LPCAT1: variants seen among roughly 807,000 people sequenced by gnomAD.
LPCAT1 encodes the protein lysophosphatidylcholine acyltransferase 1, also known as 1-acylglycerol-3-phosphate O-acyltransferase.
Under a neutral mutation model 60.9 loss-of-function variants are expected in LPCAT1, and 23 were observed. The ratio of observed to expected loss-of-function variants is 0.38; its 90% CI spans 0.27 to 0.53. LPCAT1 has a LOEUF of 0.53. Among genes scored for constraint, LPCAT1 ranks in the 20% least tolerant of loss-of-function variants. The probability of loss-of-function intolerance (pLI) is 0.82; values close to 1 mark genes in which losing one functional copy is unlikely to be tolerated. For missense variants in LPCAT1, 622 were observed against 723.6 expected, an observed-to-expected ratio of 0.86 and a Z score of 1.61; for synonymous variants, 340 against 301.1, an observed-to-expected ratio of 1.13 and a Z score of -1.34.
rs987572623 is a variant in LPCAT1, at chr5:1,520,255, C to T, written c.135+3455G>A. On this transcript the variant is annotated intron_variant, in intron 1 of 13. Coordinates refer to ENST00000283415, the MANE Select transcript of LPCAT1 (RefSeq NM_024830.5). ...GAGGCTGAGAGGGCGGAGTCCTGCT[C>T]CTGAGTTTTTTTAAAAAATCACAAC... Among the ~76,000 whole-genome samples, 7 of 152,220 alleles carry T rather than the reference C, an allele frequency of 4.6e-5. 1 individual carries two copies. Among genetic ancestry groups the T allele is most frequent in the Admixed American group, 1.3e-4 (2 of 15,290 alleles).
chr5:1,497,561 G>A (rs1313942830), intron 2 of LPCAT1, among the ~76,000 whole-genome samples: 1 of 152,252 alleles, frequency 6.6e-6, no homozygotes, highest in African/African-American at 2.4e-5. Context: ...CTTCAAGGAG[G>A]CAAGTCTGGT....
intron 8 of LPCAT1, among the ~76,000 whole-genome samples, chr5:1,479,251 C>T (rs1056292041): frequency 1.2e-4 from 18 of 152,172 alleles, no homozygotes; most frequent in African/African-American, 4.1e-4. Context: ...CTAGGCATGG[C>T]GTGTGCCTGT....
chr5:1,470,677 ACAGCTAG>A (rs1734630941), intron 12 of LPCAT1, 142 bp downstream of exon 12: 4 of 590,300 alleles, frequency 6.8e-6, no homozygotes, highest in Non-Finnish European at 1.2e-5. Context: ...TTTACAAACA[ACAGCTAG>A]CATAAAAAGC....
intron 9 of LPCAT1, among the ~76,000 whole-genome samples, chr5:1,475,757 CCCA>C (rs1734883013): frequency 6.6e-6 from 1 of 151,814 alleles, no homozygotes; most frequent in Non-Finnish European, 1.5e-5. Flanking sequence ...CACGGCCCCG[CCCA>C]GGCCCAGGAG....
intron 1 of LPCAT1, among the ~76,000 whole-genome samples, chr5:1,503,172 C>T (rs36981): frequency 6.6e-6 from 1 of 151,944 alleles, no homozygotes; most frequent in Non-Finnish European, 1.5e-5. Context: ...AATTTGCCTC[C>T]CCTTCCCCGC....
intron 2 of LPCAT1, among the ~76,000 whole-genome samples, chr5:1,500,252 G>A (rs192049263): frequency 1.5e-3 from 227 of 152,316 alleles, no homozygotes; most frequent in African/African-American, 5.0e-3. Flanking sequence ...TATAGGACAC[G>A]CGTGGTAACT....
intron 3 of LPCAT1, among the ~76,000 whole-genome samples, chr5:1,493,641 G>A (rs1426538736): frequency 1.3e-5 from 2 of 152,318 alleles, no homozygotes; most frequent in South Asian, 2.1e-4. Flanking sequence ...AAGGAAGCAC[G>A]AGGACAGAAC....
intron 9 of LPCAT1, among the ~76,000 whole-genome samples, chr5:1,475,461 C>G (rs755073037): frequency 6.6e-6 from 1 of 152,224 alleles, no homozygotes; most frequent in South Asian, 2.1e-4. Flanking sequence ...CCTGATGGCC[C>G]GTCCTGGGTG....
In LPCAT1 at chr5:1,461,638, G is replaced by C. The variant is rs985301477; in HGVS notation, c.*2013C>G. The C allele has an allele frequency of 6.5e-6, 1 of 152,852 alleles. No homozygotes were observed. Among genetic ancestry groups the C allele is most frequent in the Non-Finnish European group, 1.5e-5 (1 of 68,046 alleles). The allele number at this position is 152,852 out of a possible 1,614,324, so 9.5% of individuals were successfully genotyped here. Reference sequence around the variant, plus strand: ...TAACTCAACGCTATGTACATTCACAGTTCCGAATATCCGCCAACTCTAAGT... The same window carrying C: ...TAACTCAACGCTATGTACATTCACACTTCCGAATATCCGCCAACTCTAAGT... On this transcript the variant is annotated 3_prime_UTR_variant, in exon 14 of 14. Transcript: ENST00000283415.
Position 1,494,418 on chromosome 5 carries a change from G to GC in LPCAT1, c.493+281_493+282insG, listed in dbSNP as rs1735702199. On this transcript the variant is annotated intron_variant, in intron 3 of 13. Transcript: ENST00000283415. ...CGATCACTCCCAGCAGCGTGGTGGGGGGGGGGTCCCTCACTCCCGGTAGGG... is the reference window on the plus strand; with the variant it reads ...CGATCACTCCCAGCAGCGTGGTGGGGCGGGGGGTCCCTCACTCCCGGTAGGG... Among the ~76,000 whole-genome samples the GC allele has an allele frequency of 2.0e-5, 3 of 151,424 alleles. No homozygotes were observed. In the South Asian group the frequency reaches 6.3e-4, roughly 32 times the overall value.
At chr5:1,479,738 C>G in intron 7 of LPCAT1, 63 bp from the exon 8 acceptor site, 1 of 1,300,352 alleles carries the variant, frequency 7.7e-7, no homozygotes, top group Non-Finnish European at 1.1e-6. Context: ...TAAATTACTC[C>G]CAATTCTGGG....
chr5:1,465,707 C>T (rs921662528), intron 13 of LPCAT1, among the ~76,000 whole-genome samples: 3 of 152,112 alleles, frequency 2.0e-5, no homozygotes, highest in Admixed American at 6.5e-5. Flanking sequence ...CGCACACACA[C>T]AACACACATG....
Position 1,495,975 on chromosome 5 carries a change from C to G in LPCAT1, c.279-1061G>C, listed in dbSNP as rs1196778356. 1.3e-5 allele frequency among the ~76,000 whole-genome samples: 2 copies of G among 152,200 alleles called. No individual in the cohort carries two copies. Among genetic ancestry groups the G allele is most frequent in the African/African-American group, 2.4e-5 (1 of 41,460 alleles). Reference sequence around the variant, plus strand: ...AATGGTGTAGTTACACATGGAGATGCTGGGGACCAACCCAGGGTGCTGCTT... The same window carrying G: ...AATGGTGTAGTTACACATGGAGATGGTGGGGACCAACCCAGGGTGCTGCTT... On this transcript the variant is annotated intron_variant, in intron 2 of 13. Transcript: ENST00000283415. This position sits in a 1 kb window ranked among gnomAD's most constrained non-coding sequence, Gnocchi z 4.7.
chr5:1,480,469 G>T lies in LPCAT1; in HGVS notation c.761+473C>A. The T allele has an allele frequency of 3.1e-6, 2 of 648,358 alleles. No individual in the cohort carries two copies. Among genetic ancestry groups the T allele is most frequent in the Non-Finnish European group, 3.8e-6 (2 of 522,234 alleles). The allele number at this position is 648,358 out of a possible 1,614,324, so 40.2% of individuals were successfully genotyped here. Reference sequence around the variant, plus strand: ...GCCCCGGGCTTCTCCTCTGGGGCTCGTTCCCGTTTCCGTGGGGTTGTTCAT... The same window carrying T: ...GCCCCGGGCTTCTCCTCTGGGGCTCTTTCCCGTTTCCGTGGGGTTGTTCAT... On this transcript the variant is annotated intron_variant, in intron 7 of 13. Transcript: ENST00000283415. The surrounding 1 kb of genome is among the most constrained non-coding windows in gnomAD (Gnocchi z 6.4).
chr5:1,474,113 A>G lies in LPCAT1; in HGVS notation c.1026-3T>C, dbSNP rs1016531903. 5.6e-6 allele frequency: 9 copies of G among 1,607,966 alleles called. No individual in the cohort carries two copies. In the African/African-American group the frequency reaches 9.4e-5, roughly 17 times the overall value. On this transcript the variant is annotated splice_region_variant and splice_polypyrimidine_tract_variant and intron_variant, in intron 10 of 13. Transcript: ENST00000283415. ...TTTCAAGCTTTTCTGGTTTTAGCCT[A>G]GACAAAAAAAGAGGGAAAGCTTTCT...
At position 1,470,847 on chromosome 5, in the gene LPCAT1, G is replaced by A. The variant is rs551137647; in HGVS notation, c.1257C>T (p.Asp419=). Residue 419 remains aspartate (D), a synonymous_variant, in exon 12 of 14, where the codon GAC becomes GAT. Transcript: ENST00000283415. ...SVVCRPARTL[D]TIQLAFKMYG... is the part of the protein sequence containing the mutation. ...TCACCTTGAAAGCCAGCTGGATGGT[G>A]TCCAGGGTCCGGGCCGGCCGGCAGA... The A allele has an allele frequency of 9.3e-6, 15 of 1,613,702 alleles. No individual in the cohort carries two copies. The African/African-American group carries it at 1.7e-4, about 19-fold the overall frequency.
chr5:1,512,960 C>T (rs965058065), intron 1 of LPCAT1, among the ~76,000 whole-genome samples: 5 of 152,198 alleles, frequency 3.3e-5, no homozygotes, highest in Admixed American at 6.5e-5. Context: ...AAAGATGGCA[C>T]GCGCCGGCAT....
At chr5:1,465,838 G>T (rs1012260874) in intron 13 of LPCAT1, among the ~76,000 whole-genome samples, 1 of 150,960 alleles carries the variant, frequency 6.6e-6, no homozygotes, top group African/African-American at 2.4e-5. Flanking sequence ...GTATGCACAC[G>T]CACGGTAACA....
chr5:1,504,260 T>C (rs1736113899), intron 1 of LPCAT1, among the ~76,000 whole-genome samples: 1 of 152,382 alleles, frequency 6.6e-6, no homozygotes, highest in Middle Eastern at 3.4e-3. Context: ...AAATATTTCA[T>C]CCATTCCCAT....
Sources: allele counts gnomAD v4.1 joint callset (sites outside exome capture counted in the v4.1 genomes callset), GRCh38; gene constraint gnomAD v4.1.1; non-coding constraint Gnocchi (gnomAD v3.1); transcripts MANE v1.5; gene names NCBI Gene and HGNC (gene_info 2026-07-23, HGNC 2026-07-21).